Variants in TRPS1 observed in about 807,000 individuals in gnomAD.
The protein encoded by TRPS1 is zinc finger transcription factor Trps1.
In TRPS1, 6 loss-of-function variants were observed where a neutral mutation model predicts 101.2. The observed-to-expected ratio is 0.06, with a 90% CI of 0.03 to 0.12. The LOEUF is 0.12. Ranked by LOEUF, TRPS1 falls within the 10% of genes least tolerant of loss-of-function variation. The probability of loss-of-function intolerance (pLI) is 1.00; values close to 1 mark genes in which losing one functional copy is unlikely to be tolerated. For synonymous variants in TRPS1, 578 were observed against 589.8 expected (o/e 0.98, Z 0.29); for missense variants, 1,363 against 1,567.0 (o/e 0.87, Z 2.20).
chr8:115,610,887 C>A (rs371222891), intron 3 of TRPS1, among the ~76,000 whole-genome samples: 1 of 151,942 alleles, frequency 6.6e-6, no homozygotes, highest in Non-Finnish European at 1.5e-5. Context: ...GAGGCCAAGG[C>A]GGGCGGATCA....
chr8:115,445,152 C>T (rs530915652), intron 5 of TRPS1, among the ~76,000 whole-genome samples: 1 of 152,130 alleles, frequency 6.6e-6, no homozygotes, highest in Non-Finnish European at 1.5e-5. Context: ...ACACTCCCAG[C>T]TCAGTGCACT....
intron 2 of TRPS1, among the ~76,000 whole-genome samples, chr8:115,621,566 T>C (rs1374003268): frequency 6.6e-6 from 1 of 152,180 alleles, no homozygotes; most frequent in Non-Finnish European, 1.5e-5. Flanking sequence ...GAATCATTTA[T>C]AAAGTAAAAA....
At chr8:115,552,019 G>A (rs1322802911) in intron 5 of TRPS1, among the ~76,000 whole-genome samples, 1 of 151,974 alleles carries the variant, frequency 6.6e-6, no homozygotes, top group African/African-American at 2.4e-5. Flanking sequence ...TTAATTATTG[G>A]TCCCTGACAA....
At chr8:115,553,585 T>C (rs564800752) in intron 5 of TRPS1, among the ~76,000 whole-genome samples, 1 of 152,144 alleles carries the variant, frequency 6.6e-6, no homozygotes, top group Non-Finnish European at 1.5e-5. Flanking sequence ...CTCTTTGATA[T>C]GAAGGTAGCT....
chr8:115,505,328 T>C (rs1047721827), intron 5 of TRPS1, among the ~76,000 whole-genome samples: 2 of 152,162 alleles, frequency 1.3e-5, no homozygotes, highest in African/African-American at 4.8e-5. Flanking sequence ...TTGTCACACA[T>C]TCCAATAAGA....
intron 5 of TRPS1, among the ~76,000 whole-genome samples, chr8:115,436,563 T>G (rs1813459649): frequency 6.6e-6 from 1 of 152,122 alleles, no homozygotes. Context: ...ACAGGAGTCT[T>G]CTGTGCTGCC....
chr8:115,422,269 G>A (rs1586258024), intron 5 of TRPS1, among the ~76,000 whole-genome samples: 1 of 151,676 alleles, frequency 6.6e-6, no homozygotes, highest in Non-Finnish European at 1.5e-5. Context: ...TTTAAATGTC[G>A]TCCATTCAGG....
intron 5 of TRPS1, among the ~76,000 whole-genome samples, chr8:115,550,247 T>G (rs560379882): frequency 1.3e-5 from 2 of 152,176 alleles, no homozygotes; most frequent in Admixed American, 1.3e-4. Flanking sequence ...AACCAATGAT[T>G]TGTGGGGCTT....
chr8:115,488,840 T>C (rs1814951870), intron 5 of TRPS1, among the ~76,000 whole-genome samples: 1 of 152,152 alleles, frequency 6.6e-6, no homozygotes, highest in South Asian at 2.1e-4. Flanking sequence ...TTGGATAATT[T>C]AGAGTTAAAA....
intron 5 of TRPS1, among the ~76,000 whole-genome samples, chr8:115,528,872 T>A (rs1417500564): frequency 6.6e-6 from 1 of 151,992 alleles, no homozygotes; most frequent in Non-Finnish European, 1.5e-5. Context: ...ATGATTCTTT[T>A]AAAAACTATT....
intron 5 of TRPS1, among the ~76,000 whole-genome samples, chr8:115,479,265 G>T (rs1033818526): frequency 1.3e-5 from 2 of 152,006 alleles, no homozygotes; most frequent in Non-Finnish European, 2.9e-5. Context: ...ATGCTCTTAC[G>T]TAACTTGTAG....
At chr8:115,476,575 C>A (rs545946764) in intron 5 of TRPS1, among the ~76,000 whole-genome samples, 2 of 152,268 alleles carry the variant, frequency 1.3e-5, no homozygotes, top group African/African-American at 4.8e-5. Context: ...CTCAGAGCAT[C>A]TATTTTTGAA....
intron 5 of TRPS1, among the ~76,000 whole-genome samples, chr8:115,519,135 T>G (rs1274891229): frequency 6.6e-6 from 1 of 151,742 alleles, no homozygotes. Flanking sequence ...GTTTTTCTTA[T>G]TAACTTATAA....
At chr8:115,493,676 C>T (rs1011299693) in intron 5 of TRPS1, among the ~76,000 whole-genome samples, 1 of 152,080 alleles carries the variant, frequency 6.6e-6, no homozygotes, top group Non-Finnish European at 1.5e-5. Flanking sequence ...AAGGTACATC[C>T]AACATGCATT....
At chr8:115,644,179 A>T (rs1818963202) in intron 1 of TRPS1, among the ~76,000 whole-genome samples, 1 of 152,198 alleles carries the variant, frequency 6.6e-6, no homozygotes. Context: ...AATGGATTCT[A>T]CTTCAAGTCA....
intron 5 of TRPS1, among the ~76,000 whole-genome samples, chr8:115,510,814 ATCCTTTATC>A (rs1815564515): frequency 6.6e-6 from 1 of 151,940 alleles, no homozygotes; most frequent in Non-Finnish European, 1.5e-5. Context: ...AAGGCTATCT[ATCCTTTATC>A]TCCATTTTGA....
intron 2 of TRPS1, among the ~76,000 whole-genome samples, chr8:115,622,593 T>C (rs1818419582): frequency 6.6e-6 from 1 of 152,176 alleles, no homozygotes; most frequent in Non-Finnish European, 1.5e-5. Flanking sequence ...TTACACATAA[T>C]GTCTTCACTA....
chr8:115,635,806 C>A (rs1026481975), intron 1 of TRPS1, among the ~76,000 whole-genome samples: 1 of 152,080 alleles, frequency 6.6e-6, no homozygotes, highest in African/African-American at 2.4e-5. Flanking sequence ...TTAGCAATTT[C>A]TGTGGTGTTT....
chr8:115,565,342 CCATTGGTAAAGTCTGACAG>C (rs1485064381), intron 5 of TRPS1, among the ~76,000 whole-genome samples: 3 of 152,028 alleles, frequency 2.0e-5, no homozygotes, highest in Admixed American at 6.6e-5. Flanking sequence ...ACTGTGTATC[CCATTGGTAAAGTCTGACAG>C]CATACATCCC....
Sources: allele counts gnomAD v4.1 joint callset (sites outside exome capture counted in the v4.1 genomes callset), GRCh38; gene constraint gnomAD v4.1.1; transcripts MANE v1.5; gene names NCBI Gene and HGNC (gene_info 2026-07-23, HGNC 2026-07-21).